Variants in SPAG4 observed in about 807,000 individuals in gnomAD.
The protein encoded by SPAG4 is sperm-associated antigen 4 protein.
Under a neutral mutation model 53.9 loss-of-function variants are expected in SPAG4, and 54 were observed. That is an observed-to-expected ratio of 1.00 (90% confidence interval 0.80 to 1.26). The LOEUF is 1.26. Among genes scored for constraint, SPAG4 ranks in the 50% most tolerant of loss-of-function variants. The pLI is 0.00. For synonymous variants in SPAG4, 246 were observed against 237.4 expected, an observed-to-expected ratio of 1.04 and a Z score of -0.33; for missense variants, 548 against 568.6, an observed-to-expected ratio of 0.96 and a Z score of 0.37.
rs927030545 is a variant in SPAG4 at position 35,618,071 on chromosome 20, C to T, written c.539-16C>T. 1.9e-6 allele frequency: 3 copies of T among 1,612,820 alleles called. No individual in the cohort carries two copies. The highest frequency in any genetic ancestry group is 2.5e-6 in the Non-Finnish European group (3 of 1,179,290). On this transcript the variant is annotated splice_polypyrimidine_tract_variant and intron_variant, in intron 4 of 11. Coordinates refer to ENST00000374273, the MANE Select transcript of SPAG4 (RefSeq NM_003116.3). ...TCTTCCTTTTCCTTCTGAGACCCCTCCCTCTCTTTCTCCAGCATTCTGGCT... is the reference window on the plus strand; with the variant it reads ...TCTTCCTTTTCCTTCTGAGACCCCTTCCTCTCTTTCTCCAGCATTCTGGCT...
chr20:35,621,040 G>A lies in SPAG4; in HGVS notation c.*18G>A. 6.2e-7 allele frequency: 1 copy of A among 1,610,932 alleles called. No homozygotes were observed. The highest frequency in any genetic ancestry group is 8.5e-7 in the Non-Finnish European group (1 of 1,177,336). On this transcript the variant is annotated 3_prime_UTR_variant, in exon 12 of 12. Coordinates refer to ENST00000374273, the MANE Select transcript of SPAG4 (RefSeq NM_003116.3). ...CCCATTAAACATGCTGATTTTTGGA[G>A]TAGAATTGAGTTCTGCTGAAGGATA... is the stretch of plus-strand genomic sequence containing the variant.
Position 35,621,013 on chromosome 20 carries a change from G to A in SPAG4, c.1305G>A (p.Gly435=). ...TSEGAEGSAQ[G]PH ...AGGGGGCAGAGGGCAGTGCACAGGG[G>A]CCCCATTAAACATGCTGATTTTTGG... The change falls in exon 12 of 12, where the codon GGG becomes GGA. Residue 435 remains glycine (G), a synonymous_variant. Transcript: ENST00000374273. 6.2e-7 allele frequency: 1 copy of A among 1,613,850 alleles called. No individual in the cohort carries two copies. Among genetic ancestry groups the A allele is most frequent in the Non-Finnish European group, 8.5e-7 (1 of 1,179,756 alleles).
chr20:35,620,626 G>GCT (rs374358438), intron 10 of SPAG4, 58 bp from the exon 11 acceptor site: 2 of 281,176 alleles, frequency 7.1e-6, no homozygotes, highest in South Asian at 3.1e-5. Context: ...TCTTCTCCCC[G>GCT]CCCCCCCCGC....
intron 7 of SPAG4, 82 bp from the exon 8 acceptor site, chr20:35,618,841 A>G: frequency 6.7e-7 from 1 of 1,482,462 alleles, no homozygotes; most frequent in Non-Finnish European, 9.4e-7. Flanking sequence ...ATCCCAAAGC[A>G]ACCAGCTCCC....
At chr20:35,617,479 C>A in intron 2 of SPAG4, 41 bp from the exon 3 acceptor site, 1 of 1,548,952 alleles carries the variant, frequency 6.5e-7, no homozygotes, top group Non-Finnish European at 8.8e-7. Flanking sequence ...CCCGCCTCTC[C>A]CTGCCGTGGG....
In SPAG4 at chr20:35,619,728, C is replaced by A; in HGVS notation, c.1059C>A (p.Pro353=). 1 of 1,610,516 alleles carries A rather than the reference C, an allele frequency of 6.2e-7. No homozygotes were observed. The part of the protein sequence containing the change: ...VEHTGGANSA[P]RDFAVFGLQV... ...ACACCGGAGGAGCCAACAGCGCCCC[C>A]CGCGATTTCGCGGTCTTTGTGAGTG... Residue 353 remains proline (P), a synonymous_variant, in exon 10 of 12, where the codon CCC becomes CCA. Coordinates refer to ENST00000374273, the MANE Select transcript of SPAG4 (RefSeq NM_003116.3).
rs1197950743 is a variant in SPAG4, at chr20:35,618,945, A to T, written c.740A>T (p.Gln247Leu). 8 of 1,614,054 alleles carry T rather than the reference A, an allele frequency of 5.0e-6. No individual in the cohort carries two copies. Among genetic ancestry groups the T allele is most frequent in the Non-Finnish European group, 6.8e-6 (8 of 1,180,010 alleles). The change falls in exon 8 of 12, where the codon CAG becomes CTG. Residue 247 changes from glutamine (Q) to leucine (L), a missense_variant. Transcript: ENST00000374273. The stretch of plus-strand genomic sequence containing the variant: ...CAGAGAGTGGCCAAGCTCGTGTTCC[A>T]GAGGCTGAATGAGGATTTTGTGCGG... Reference protein sequence around the residue: ...NSERVAKLVFQRLNEDFVRKP... With the variant: ...NSERVAKLVFLRLNEDFVRKP...
chr20:35,619,677 G>A lies in SPAG4; in HGVS notation c.1008G>A (p.Leu336=), dbSNP rs757506211. The A allele has an allele frequency of 5.0e-6, 8 of 1,613,864 alleles. No homozygotes were observed. The highest frequency in any genetic ancestry group is 6.8e-6 in the Non-Finnish European group (8 of 1,179,994). Residue 336 remains leucine, a synonymous_variant, in exon 10 of 12, where the codon CTG becomes CTA. Transcript: ENST00000374273. ...GAGTGCAGCTGAGCGACATCACTCT[G>A]CAGCATCCACCGCCCAGCGTGGAGC... ...PGRVQLSDIT[L]QHPPPSVEHT...
At chr20:35,620,482 C>T (rs189270038) in intron 10 of SPAG4, among the ~76,000 whole-genome samples, 220 of 152,098 alleles carry the variant, frequency 1.4e-3, no homozygotes, top group African/African-American at 4.8e-3. Context: ...AGCAACACTC[C>T]GTCTCAAAAT....
Position 35,616,029 on chromosome 20 carries a change from C to T in SPAG4, c.26C>T (p.Ser9Leu). 3 of 1,612,268 alleles carry T rather than the reference C, an allele frequency of 1.9e-6. No homozygotes were observed. Among genetic ancestry groups the T allele is most frequent in the Non-Finnish European group, 1.7e-6 (2 of 1,179,622 alleles). Reference sequence around the variant, plus strand: ...ATGCGGCGAAGCTCCCGCCCGGGCTCGGCCTCGTCCTCGCGCAAGCACACG... The same window carrying T: ...ATGCGGCGAAGCTCCCGCCCGGGCTTGGCCTCGTCCTCGCGCAAGCACACG... Reference protein sequence around the residue: MRRSSRPGSASSSRKHTPN... With the variant: MRRSSRPGLASSSRKHTPN... The change falls in exon 1 of 12, where the codon TCG (serine) becomes TTG (leucine). Residue 9 changes from serine (S) to leucine (L), a missense_variant. Ser to Leu is a moderately radical substitution (Grantham distance 145). Transcript: ENST00000374273.
intron 8 of SPAG4, 26 bp downstream of exon 8, chr20:35,619,024 A>G (rs370014583): frequency 1.3e-6 from 2 of 1,599,024 alleles, no homozygotes; most frequent in African/African-American, 1.3e-5. Flanking sequence ...ACTGGAAGAC[A>G]GAGACGCAGA....
Position 35,620,958 on chromosome 20 carries a change from G to C in SPAG4, c.1250G>C (p.Arg417Pro). ...WGHPRFTCLY[R>P]VRAHGVRTSE... The stretch of plus-strand genomic sequence containing the variant: ...CACCCCCGTTTCACGTGCTTGTATC[G>C]AGTCCGTGCCCACGGTGTGCGAACC... The change falls in exon 12 of 12, where the codon CGA becomes CCA. Residue 417 changes from arginine to proline, a missense_variant. By Grantham distance (103) the Arg-to-Pro change is moderately radical. Coordinates refer to ENST00000374273, the MANE Select transcript of SPAG4 (RefSeq NM_003116.3). The C allele has an allele frequency of 2.5e-6, 4 of 1,614,138 alleles. No individual in the cohort carries two copies. The highest frequency in any genetic ancestry group is 3.4e-6 in the Non-Finnish European group (4 of 1,180,022).
chr20:35,616,241 C>G lies in SPAG4; in HGVS notation c.238C>G (p.Pro80Ala). ...ATGGGCAGGAAGCTCTCAGCAGAAG[C>G]CAGCGCCTCGGAGCCACAACTGGCA... Reference protein sequence around the residue: ...TTWAGSSQQKPAPRSHNWQTA... With the variant: ...TTWAGSSQQKAAPRSHNWQTA... Residue 80 changes from proline (P) to alanine (A), a missense_variant, in exon 1 of 12, where the codon CCA becomes GCA. Transcript: ENST00000374273. The G allele has an allele frequency of 6.5e-7, 1 of 1,532,292 alleles. No individual in the cohort carries two copies. The highest frequency in any genetic ancestry group is 8.7e-7 in the Non-Finnish European group (1 of 1,143,628). 94.9% of individuals were successfully genotyped at this position (1,532,292 alleles called of 1,614,324 possible). A position where few individuals can be genotyped will look rare whatever the true frequency, so the allele number is the denominator to read the frequency against.
chr20:35,616,335 CCA>C (rs1435570618), intron 1 of SPAG4, 28 bp downstream of exon 1: 7 of 1,444,904 alleles, frequency 4.8e-6, no homozygotes, highest in Non-Finnish European at 6.3e-6. Flanking sequence ...CCCGGGTGAG[CCA>C]GTGGAGGGGG....
chr20:35,619,732 G>C lies in SPAG4; in HGVS notation c.1063G>C (p.Asp355His). 1 of 1,610,202 alleles carries C rather than the reference G, an allele frequency of 6.2e-7. No individual in the cohort carries two copies. The highest frequency in any genetic ancestry group is 8.5e-7 in the Non-Finnish European group (1 of 1,177,260). The change falls in exon 10 of 12, where the codon GAT (aspartate) becomes CAT (histidine). Residue 355 changes from aspartate (D) to histidine (H), a missense_variant. Asp to His is a moderately conservative substitution (Grantham distance 81, BLOSUM62 -1). Transcript: ENST00000374273. ...CGGAGGAGCCAACAGCGCCCCCCGC[G>C]ATTTCGCGGTCTTTGTGAGTGCGGA... is the stretch of plus-strand genomic sequence containing the variant. Reference protein sequence around the residue: ...HTGGANSAPRDFAVFGLQVYD... With the variant: ...HTGGANSAPRHFAVFGLQVYD...
intron 5 of SPAG4, 105 bp downstream of exon 5, chr20:35,618,235 G>A: frequency 1.6e-6 from 2 of 1,231,078 alleles, no homozygotes; most frequent in South Asian, 2.7e-5. Flanking sequence ...GGTAGTGCCA[G>A]AGGCTACAAT....
Position 35,616,229 on chromosome 20 carries a change from T to G in SPAG4, c.226T>G (p.Ser76Ala). 1 of 1,558,754 alleles carries G rather than the reference T, an allele frequency of 6.4e-7. No homozygotes were observed. Among genetic ancestry groups the G allele is most frequent in the Non-Finnish European group, 8.7e-7 (1 of 1,155,796 alleles). ...CGGAGGAACCACATGGGCAGGAAGC[T>G]CTCAGCAGAAGCCAGCGCCTCGGAG... is the stretch of plus-strand genomic sequence containing the variant. The part of the protein sequence containing the change: ...VPGGTTWAGS[S>A]QQKPAPRSHN... Residue 76 changes from serine to alanine, a missense_variant, in exon 1 of 12, where the codon TCT becomes GCT. Coordinates refer to ENST00000374273, the MANE Select transcript of SPAG4 (RefSeq NM_003116.3).
At position 35,616,233 on chromosome 20, in the gene SPAG4, A is replaced by G; in HGVS notation, c.230A>G (p.Gln77Arg). 1 of 1,542,084 alleles carries G rather than the reference A, an allele frequency of 6.5e-7. No individual in the cohort carries two copies. The highest frequency in any genetic ancestry group is 8.7e-7 in the Non-Finnish European group (1 of 1,148,002). ...GGAACCACATGGGCAGGAAGCTCTC[A>G]GCAGAAGCCAGCGCCTCGGAGCCAC... ...PGGTTWAGSS[Q>R]QKPAPRSHNW... Residue 77 changes from glutamine (Q) to arginine (R), a missense_variant, in exon 1 of 12, where the codon CAG becomes CGG. Physicochemically the swap from Gln to Arg is conservative, Grantham distance 43. Coordinates refer to ENST00000374273, the MANE Select transcript of SPAG4 (RefSeq NM_003116.3).
chr20:35,620,928 G>C lies in SPAG4; in HGVS notation c.1220G>C (p.Trp407Ser). The change falls in exon 12 of 12, where the codon TGG becomes TCG. Residue 407 changes from tryptophan (W) to serine (S), a missense_variant. Coordinates refer to ENST00000374273, the MANE Select transcript of SPAG4 (RefSeq NM_003116.3). ...PKVKIQILSN[W>S]GHPRFTCLYR... ...GTGAAGATCCAGATTCTAAGCAACT[G>C]GGGCCACCCCCGTTTCACGTGCTTG... 6.2e-7 allele frequency: 1 copy of C among 1,614,196 alleles called. No individual in the cohort carries two copies. The highest frequency in any genetic ancestry group is 8.5e-7 in the Non-Finnish European group (1 of 1,180,016).
Sources: allele counts gnomAD v4.1 joint callset (sites outside exome capture counted in the v4.1 genomes callset), GRCh38; gene constraint gnomAD v4.1.1; transcripts MANE v1.5; gene names NCBI Gene and HGNC (gene_info 2026-07-23, HGNC 2026-07-21).